The following FAM222A variants were observed in gnomAD, a reference collection of about 807,000 sequenced individuals.
FAM222A encodes the protein family with sequence similarity 222 member A.
FAM222A carries 7 observed loss-of-function variants against 25.8 expected under a neutral mutation model. The observed-to-expected ratio is 0.27, with a 90% confidence interval of 0.15 to 0.51. The LOEUF is 0.51. Ranked by LOEUF, FAM222A falls within the 20% of genes least tolerant of loss-of-function variation. The pLI, the probability that FAM222A is intolerant of heterozygous loss-of-function variation, is 0.97. For synonymous variants in FAM222A, 294 were observed against 298.8 expected (o/e 0.98, Z 0.17); for missense variants, 573 against 640.5 (o/e 0.89, Z 1.14).
intron 1 of FAM222A, among the ~76,000 whole-genome samples, chr12:109,719,574 G>A (rs1887710279): frequency 6.6e-6 from 1 of 152,236 alleles, no homozygotes; most frequent in South Asian, 2.1e-4. Flanking sequence ...AGGGCTGGAG[G>A]AGGGAAAACC....
chr12:109,755,650 T>A (rs1414099556), intron 2 of FAM222A, among the ~76,000 whole-genome samples: 1 of 152,188 alleles, frequency 6.6e-6, no homozygotes, highest in Non-Finnish European at 1.5e-5. Flanking sequence ...TGAGTTAAGT[T>A]TTGTGTACAT....
rs567682282 is a variant in FAM222A, at chr12:109,757,799, T to G, written c.83-10213T>G. Among the ~76,000 whole-genome samples, 10 of 151,838 alleles carry G rather than the reference T, an allele frequency of 6.6e-5. 1 individual carries two copies. In the South Asian group the frequency reaches 1.7e-3, roughly 25 times the overall value. ...GACGGGTAGGTGAGTCAGAACAACA[T>G]GTATATGGCTGGAGACAGACAGGAG... is the stretch of plus-strand genomic sequence containing the variant. On this transcript the variant is annotated intron_variant, in intron 2 of 2. Transcript: ENST00000538780.
chr12:109,736,037 TCTGGC>T, intron 1 of FAM222A: 1 of 152,424 alleles, frequency 6.6e-6, no homozygotes, highest in South Asian at 2.1e-4. Context: ...TGCCCCTCCT[TCTGGC>T]ACCTTCTCTG....
chr12:109,746,181 T>C (rs1373285777), intron 2 of FAM222A, among the ~76,000 whole-genome samples: 1 of 152,142 alleles, frequency 6.6e-6, no homozygotes, highest in African/African-American at 2.4e-5. Flanking sequence ...CTTATAGATC[T>C]CTGATGGTTT....
In FAM222A at chr12:109,763,086, G is replaced by A. The variant is rs553702320; in HGVS notation, c.83-4926G>A. ...CCCTGCCTCCTTGAGCCTCTAGGCT[G>A]ACTCTGTGGTCCCTTCTCAGGACTG... On this transcript the variant is annotated intron_variant, in intron 2 of 2. Coordinates refer to ENST00000538780, the MANE Select transcript of FAM222A (RefSeq NM_032829.3). Among the ~76,000 whole-genome samples, 16 of 152,352 alleles carry A rather than the reference G, an allele frequency of 1.1e-4. No individual in the cohort carries two copies. In the South Asian group the frequency reaches 3.3e-3, roughly 32 times the overall value.
At chr12:109,723,289 G>A (rs548595571) in intron 1 of FAM222A, among the ~76,000 whole-genome samples, 4 of 152,310 alleles carry the variant, frequency 2.6e-5, no homozygotes, top group South Asian at 2.1e-4. Flanking sequence ...CCCTACCTGC[G>A]TTCAAAGGGA....
At chr12:109,754,892 G>A (rs1888674071) in intron 2 of FAM222A, among the ~76,000 whole-genome samples, 2 of 151,970 alleles carry the variant, frequency 1.3e-5, no homozygotes, top group South Asian at 4.1e-4. Flanking sequence ...GGCTGGTCTT[G>A]AACTCTTGCC....
rs145099304 is a variant in FAM222A at position 109,770,322 on chromosome 12, C to T, written c.*1034C>T. The T allele has an allele frequency of 7.7e-4, 118 of 152,790 alleles. No individual in the cohort carries two copies. Among genetic ancestry groups the T allele is most frequent in the African/African-American group, 2.8e-3 (117 of 41,576 alleles). The allele number at this position is 152,790 out of a possible 1,614,324, so 9.5% of individuals were successfully genotyped here. ...TCCTCAAGTCCTGGCCCCTCTGGCG[C>T]TCTGGAAGCGGTACTGTATCTCTCT... On this transcript the variant is annotated 3_prime_UTR_variant, in exon 3 of 3. Coordinates refer to ENST00000538780, the MANE Select transcript of FAM222A (RefSeq NM_032829.3).
chr12:109,718,496 C>T (rs1887687737), intron 1 of FAM222A, among the ~76,000 whole-genome samples: 1 of 152,182 alleles, frequency 6.6e-6, no homozygotes, highest in African/African-American at 2.4e-5. Context: ...CCTCTGGGCT[C>T]GGGGCGGGGG....
At chr12:109,734,308 G>A (rs1196603345) in intron 1 of FAM222A, 1 of 152,288 alleles carries the variant, frequency 6.6e-6, no homozygotes, top group African/African-American at 2.4e-5. Flanking sequence ...CCCTTGAGGT[G>A]GAGATTGACG....
chr12:109,739,444 G>A (rs2136335514), intron 1 of FAM222A, among the ~76,000 whole-genome samples: 1 of 152,350 alleles, frequency 6.6e-6, no homozygotes, highest in East Asian at 1.9e-4. Context: ...CTTGGGAAGT[G>A]TTTGCTGCCT....
intron 1 of FAM222A, among the ~76,000 whole-genome samples, chr12:109,743,585 G>T (rs1181968270): frequency 1.3e-5 from 2 of 152,204 alleles, no homozygotes; most frequent in African/African-American, 4.8e-5. Context: ...CTCCCCTCCA[G>T]GGGGGCTATG....
intron 1 of FAM222A, among the ~76,000 whole-genome samples, chr12:109,728,883 A>G (rs2136323387): frequency 6.6e-6 from 1 of 152,200 alleles, no homozygotes; most frequent in South Asian, 2.1e-4. Flanking sequence ...CTCCCGTTCC[A>G]TCTCTAAGAC....
In FAM222A at chr12:109,744,097, G is replaced by A; in HGVS notation, c.-46-4G>A. 1 of 1,597,882 alleles carries A rather than the reference G, an allele frequency of 6.3e-7. No homozygotes were observed. Among genetic ancestry groups the A allele is most frequent in the Non-Finnish European group, 8.5e-7 (1 of 1,173,388 alleles). On this transcript the variant is annotated splice_polypyrimidine_tract_variant and splice_region_variant and intron_variant, in intron 1 of 2. Coordinates refer to ENST00000538780, the MANE Select transcript of FAM222A (RefSeq NM_032829.3). ...TGACAGAGCACCCCATCTTCCTCCT[G>A]CAGGGACCCAGTCGCAGAGCGCACC...
chr12:109,769,385 ACCCT>A lies in FAM222A; in HGVS notation c.*98_*101del, dbSNP rs1889177431. On this transcript the variant is annotated 3_prime_UTR_variant, in exon 3 of 3. Transcript: ENST00000538780. ...GCGGCTCGCAGGGGCGCTCAGCCCC[ACCCT>A]GTGCCTGCTGATGCCCACAGGGGAG... 7.2e-7 allele frequency: 1 copy of A among 1,385,912 alleles called. No homozygotes were observed. Among genetic ancestry groups the A allele is most frequent in the Admixed American group, 2.5e-5 (1 of 39,454 alleles). The allele number at this position is 1,385,912 out of a possible 1,614,324, so 85.9% of individuals were successfully genotyped here. A position where few individuals can be genotyped will look rare whatever the true frequency, so the allele number is the denominator to read the frequency against.
In FAM222A at chr12:109,727,989, G is replaced by A. The variant is rs547801414; in HGVS notation, c.-47+13092G>A. Among the ~76,000 whole-genome samples the A allele has an allele frequency of 6.6e-5, 10 of 152,280 alleles. No individual in the cohort carries two copies. In the South Asian group the frequency reaches 1.0e-3, roughly 16 times the overall value. On this transcript the variant is annotated intron_variant, in intron 1 of 2. Transcript: ENST00000538780. ...GAGGGCCACCATACCTGTTCAACCC[G>A]CTCTGAGCCTCGATCTCCTTAACTG...
chr12:109,715,958 A>T (rs559972222), intron 1 of FAM222A, among the ~76,000 whole-genome samples: 18 of 152,126 alleles, frequency 1.2e-4, no homozygotes, highest in African/African-American at 3.6e-4. Flanking sequence ...TGCCTGCTGC[A>T]CCCCTAGTCC....
chr12:109,763,843 T>C (rs1306516541), intron 2 of FAM222A, among the ~76,000 whole-genome samples: 8 of 152,178 alleles, frequency 5.3e-5, no homozygotes, highest in Non-Finnish European at 1.0e-4. Flanking sequence ...CCAAATGTCC[T>C]AACTTGTCTG....
chr12:109,731,566 G>C (rs776834688), intron 1 of FAM222A, among the ~76,000 whole-genome samples: 1 of 152,170 alleles, frequency 6.6e-6, no homozygotes, highest in Non-Finnish European at 1.5e-5. Context: ...GTTGCTGCTC[G>C]ATGAAGCCAC....
Sources: allele counts gnomAD v4.1 joint callset (sites outside exome capture counted in the v4.1 genomes callset), GRCh38; gene constraint gnomAD v4.1.1; transcripts MANE v1.5; gene names NCBI Gene and HGNC (gene_info 2026-07-23, HGNC 2026-07-21).